Variants in SPATA13 observed in about 807,000 individuals in gnomAD.
The protein encoded by SPATA13 is spermatogenesis associated 13, also known as spermatogenesis-associated protein 13.
A neutral mutation model predicts 104.0 loss-of-function variants in SPATA13; 50 were observed. The ratio of observed to expected loss-of-function variants is 0.48; its 90% confidence interval spans 0.38 to 0.61. SPATA13 has a LOEUF of 0.61. Ranked by LOEUF, SPATA13 falls within the 20% of genes least tolerant of loss-of-function variation. The pLI is 0.00. For synonymous variants in SPATA13, 606 were observed against 667.5 expected, an observed-to-expected ratio of 0.91 and a Z score of 1.42; for missense variants, 1,524 against 1,690.6, an observed-to-expected ratio of 0.90 and a Z score of 1.73.
At chr13:24,010,496 T>C (rs9553142) in intron 2 of SPATA13, among the ~76,000 whole-genome samples, 43,419 of 150,152 alleles carry the variant, frequency 0.29, 7,654 homozygotes, top group Non-Finnish European at 0.38. Context: ...CTACGTTATT[T>C]AGGAATAGAA....
chr13:24,125,433 G>A (rs1202739855), intron 3 of SPATA13, among the ~76,000 whole-genome samples: 1 of 152,034 alleles, frequency 6.6e-6, no homozygotes, highest in Non-Finnish European at 1.5e-5. Context: ...GGGCATGGAG[G>A]GTATGTACTG....
intron 3 of SPATA13, among the ~76,000 whole-genome samples, chr13:24,045,155 A>G (rs545182751): frequency 6.6e-6 from 1 of 152,250 alleles, no homozygotes; most frequent in Non-Finnish European, 1.5e-5. Flanking sequence ...ACAAAGTTGT[A>G]TGTTTCTGTG....
At chr13:24,235,060 TA>T (rs1202729448) in intron 2 of SPATA13, among the ~76,000 whole-genome samples, 1 of 152,230 alleles carries the variant, frequency 6.6e-6, no homozygotes, top group Non-Finnish European at 1.5e-5. Flanking sequence ...ATCGGGTTAA[TA>T]GTAGCTTTTA....
At chr13:24,064,435 A>C (rs2137758079) in intron 3 of SPATA13, among the ~76,000 whole-genome samples, 1 of 152,242 alleles carries the variant, frequency 6.6e-6, no homozygotes, top group African/African-American at 2.4e-5. Context: ...CCTAACCCCT[A>C]GTAAGAGGCT....
chr13:24,198,240 C>A (rs112096528), intron 1 of SPATA13, among the ~76,000 whole-genome samples: 52 of 152,126 alleles, frequency 3.4e-4, no homozygotes, highest in African/African-American at 1.0e-3. Flanking sequence ...TGATCTGCCC[C>A]CCTTGGCCTC....
At chr13:23,983,251 C>T (rs937005558) in intron 1 of SPATA13, among the ~76,000 whole-genome samples, 12 of 152,152 alleles carry the variant, frequency 7.9e-5, no homozygotes, top group Non-Finnish European at 2.9e-5. Flanking sequence ...TCTGACGCCG[C>T]GCTCCTTGGC....
At chr13:24,211,202 ACAGACTATTTAACTTCTTCCTTT>A (rs1349649624) in intron 1 of SPATA13, among the ~76,000 whole-genome samples, 4 of 152,198 alleles carry the variant, frequency 2.6e-5, no homozygotes, top group African/African-American at 9.7e-5. Flanking sequence ...TCATTTTCAA[ACAGACTATTTAACTTCTTCCTTT>A]CTGATTCGGT....
chr13:24,183,654 T>C (rs1311769894), intron 1 of SPATA13, among the ~76,000 whole-genome samples: 1 of 151,972 alleles, frequency 6.6e-6, no homozygotes, highest in African/African-American at 2.4e-5. Context: ...TTAGTGTATT[T>C]TATGCGTGGC....
In SPATA13 at chr13:24,256,667, C is replaced by T. The variant is rs1432109884; in HGVS notation, c.2164+4805C>T. Among the ~76,000 whole-genome samples, 6 of 152,260 alleles carry T rather than the reference C, an allele frequency of 3.9e-5. 1 individual carries two copies. The highest frequency in any genetic ancestry group is 3.3e-4 in the Admixed American group (5 of 15,296). Reference sequence around the variant, plus strand: ...CGTGCTGTGCTCTTCCTTTCTCTCACCACTTTTCTCTGGCCCTGTTTGTAG... The same window carrying T: ...CGTGCTGTGCTCTTCCTTTCTCTCATCACTTTTCTCTGGCCCTGTTTGTAG... On this transcript the variant is annotated intron_variant, in intron 4 of 12. Coordinates refer to ENST00000382108, the MANE Select transcript of SPATA13 (RefSeq NM_001166271.3).
At chr13:24,256,751 C>A (rs1873809653) in intron 4 of SPATA13, among the ~76,000 whole-genome samples, 2 of 152,150 alleles carry the variant, frequency 1.3e-5, no homozygotes, top group Admixed American at 6.5e-5. Flanking sequence ...GTGGGACAGG[C>A]CTGAGTCATG....
chr13:24,104,828 G>A (rs936873339), intron 3 of SPATA13, among the ~76,000 whole-genome samples: 5 of 152,208 alleles, frequency 3.3e-5, no homozygotes, highest in Admixed American at 2.0e-4. Flanking sequence ...CCTGGCTGCA[G>A]CCTCCTCTCC....
intron 3 of SPATA13, among the ~76,000 whole-genome samples, chr13:24,250,629 C>G (rs1216311999): frequency 6.6e-6 from 1 of 152,176 alleles, no homozygotes; most frequent in African/African-American, 2.4e-5. Flanking sequence ...AGTACTAGTA[C>G]TGGATTGTAT....
At chr13:23,996,137 C>T (rs1269111395) in intron 2 of SPATA13, among the ~76,000 whole-genome samples, 2 of 152,214 alleles carry the variant, frequency 1.3e-5, no homozygotes, top group East Asian at 3.9e-4. Context: ...TTCCCAGGAA[C>T]CTAATGGGAT....
At chr13:24,206,542 C>G (rs2138580546) in intron 1 of SPATA13, among the ~76,000 whole-genome samples, 1 of 152,196 alleles carries the variant, frequency 6.6e-6, no homozygotes, top group South Asian at 2.1e-4. Context: ...TATCACTTGA[C>G]CCAACAATCC....
chr13:24,114,648 T>G (rs1880774125), intron 3 of SPATA13, among the ~76,000 whole-genome samples: 1 of 151,764 alleles, frequency 6.6e-6, no homozygotes, highest in Non-Finnish European at 1.5e-5. Flanking sequence ...TTTTTTTTTG[T>G]TGTTGTTTTT....
At chr13:24,032,339 A>G (rs1217579878) in intron 3 of SPATA13, among the ~76,000 whole-genome samples, 1 of 152,138 alleles carries the variant, frequency 6.6e-6, no homozygotes, top group East Asian at 1.9e-4. Flanking sequence ...CCCTATACCC[A>G]TTGCAATGGT....
chr13:24,016,646 C>T (rs1876725149), intron 2 of SPATA13, among the ~76,000 whole-genome samples: 1 of 152,236 alleles, frequency 6.6e-6, no homozygotes, highest in Non-Finnish European at 1.5e-5. Flanking sequence ...TACCTCCCCG[C>T]TCCCTCTCCT....
At chr13:24,018,607 A>T (rs1221084484) in intron 3 of SPATA13, among the ~76,000 whole-genome samples, 1 of 152,234 alleles carries the variant, frequency 6.6e-6, no homozygotes, top group Non-Finnish European at 1.5e-5. Flanking sequence ...GATGACACAG[A>T]GGCACAGCTA....
At chr13:24,256,758 C>T (rs542146347) in intron 4 of SPATA13, among the ~76,000 whole-genome samples, 1 of 152,290 alleles carries the variant, frequency 6.6e-6, no homozygotes, top group South Asian at 2.1e-4. Flanking sequence ...AGGCCTGAGT[C>T]ATGTTTGTAG....
Sources: gnomAD v4.1 joint callset for allele counts (sites outside exome capture counted in the v4.1 genomes callset) on GRCh38, gnomAD v4.1.1 for gene constraint, MANE v1.5 for transcripts, NCBI Gene and HGNC (gene_info 2026-07-23, HGNC 2026-07-21) for gene names.